The following DCTN2 variants were observed in gnomAD, a reference collection of about 807,000 sequenced individuals.
The protein encoded by DCTN2 is dynactin subunit 2.
In DCTN2, 18 loss-of-function variants were observed where a neutral mutation model predicts 55.4. The observed-to-expected ratio is 0.32, with a 90% CI of 0.22 to 0.48. The LOEUF (loss-of-function observed/expected upper bound fraction) is 0.48. Ranked by LOEUF, DCTN2 falls within the 20% of genes least tolerant of loss-of-function variation. The probability of loss-of-function intolerance (pLI) is 0.99; values close to 1 mark genes in which losing one functional copy is unlikely to be tolerated. For missense variants in DCTN2, 390 were observed against 491.0 expected (o/e 0.79, Z 1.94); for synonymous variants, 168 against 185.2 (o/e 0.91, Z 0.76).
chr12:57,531,579 A>G (rs1879716932), intron 13 of DCTN2, among the ~76,000 whole-genome samples: 1 of 152,146 alleles, frequency 6.6e-6, no homozygotes, highest in South Asian at 2.1e-4. Flanking sequence ...AAAAGAATGA[A>G]GGAGCTAGGT....
At chr12:57,541,241 A>T in intron 2 of DCTN2, 3 of 1,180,164 alleles carry the variant, frequency 2.5e-6, no homozygotes, top group Non-Finnish European at 3.6e-6. Flanking sequence ...CCCCTCAGTG[A>T]CCCAGCCAGG....
At chr12:57,531,341 G>A (rs1594877417) in intron 13 of DCTN2, among the ~76,000 whole-genome samples, 1 of 151,846 alleles carries the variant, frequency 6.6e-6, no homozygotes, top group East Asian at 1.9e-4. Context: ...TGGACAACAT[G>A]GTGAAACCCC....
chr12:57,544,878 T>G (rs945440788), intron 2 of DCTN2, among the ~76,000 whole-genome samples: 8 of 152,118 alleles, frequency 5.3e-5, no homozygotes, highest in Non-Finnish European at 1.2e-4. Context: ...TCATCTGCAT[T>G]ATCTCCAAGA....
At chr12:57,543,872 C>T (rs1292375805) in intron 2 of DCTN2, 1 of 1,252,132 alleles carries the variant, frequency 8.0e-7, no homozygotes. Context: ...TCAGCCACCC[C>T]ACTAGATGCT....
chr12:57,534,053 C>A lies in DCTN2; in HGVS notation c.569G>T (p.Gly190Val). Residue 190 changes from glycine (G) to valine (V), a missense_variant, in exon 7 of 14, where the codon GGA (glycine) becomes GTA (valine). By Grantham distance (109) the Gly-to-Val change is moderately radical. Transcript: ENST00000548249. ...QLEATKNSKG[G>V]SGGKTTGTPP... is the part of the protein sequence containing the mutation. ...GGTCCCAGTGGTTTTTCCCCCTGATCCCCCTTTGCTGTTCTTTGTTGCTTC... is the reference window on the plus strand; with the variant it reads ...GGTCCCAGTGGTTTTTCCCCCTGATACCCCTTTGCTGTTCTTTGTTGCTTC... The A allele has an allele frequency of 1.2e-6, 2 of 1,612,190 alleles. No individual in the cohort carries two copies. Among genetic ancestry groups the A allele is most frequent in the Non-Finnish European group, 1.7e-6 (2 of 1,179,274 alleles).
At chr12:57,541,258 C>T (rs1195250979) in intron 2 of DCTN2, 2 of 1,415,178 alleles carry the variant, frequency 1.4e-6, no homozygotes, top group South Asian at 1.3e-5. Context: ...CAGGGACTCA[C>T]TGGAATTTAA....
chr12:57,535,454 C>G, intron 4 of DCTN2, 30 bp downstream of exon 4: 1 of 1,612,810 alleles, frequency 6.2e-7, no homozygotes, highest in Non-Finnish European at 8.5e-7. Flanking sequence ...CTACACCATT[C>G]CCATCAACAC....
intron 2 of DCTN2, chr12:57,543,684 T>C (rs1880899303): frequency 1.1e-6 from 1 of 872,080 alleles, no homozygotes; most frequent in Admixed American, 6.2e-5. Flanking sequence ...GCCCCTGAAG[T>C]GGCTGAAGGT....
chr12:57,536,278 G>C (rs1040156021), intron 2 of DCTN2, among the ~76,000 whole-genome samples: 1 of 152,250 alleles, frequency 6.6e-6, no homozygotes, highest in Non-Finnish European at 1.5e-5. Flanking sequence ...TAGAAGGAAA[G>C]AGGAGGGAAG....
At chr12:57,539,272 T>C (rs1005859360) in intron 2 of DCTN2, among the ~76,000 whole-genome samples, 2 of 152,230 alleles carry the variant, frequency 1.3e-5, no homozygotes, top group Admixed American at 6.5e-5. Flanking sequence ...TGCCTCCACC[T>C]TGAGTGGCTG....
At chr12:57,538,692 A>G in intron 2 of DCTN2, 2 of 594,886 alleles carry the variant, frequency 3.4e-6, no homozygotes, top group Non-Finnish European at 6.1e-6. Flanking sequence ...AGGGGAGCCT[A>G]GCGAAATTTA....
At chr12:57,533,926 C>T in intron 7 of DCTN2, 27 bp downstream of exon 7, 1 of 1,570,254 alleles carries the variant, frequency 6.4e-7, no homozygotes, top group Non-Finnish European at 8.6e-7. Flanking sequence ...CCCTTGGCTT[C>T]CCAACCAACA....
intron 2 of DCTN2, chr12:57,538,387 G>A: frequency 1.5e-6 from 1 of 684,232 alleles, no homozygotes; most frequent in South Asian, 1.5e-5. Context: ...ACAGTGACTT[G>A]TGAGATAGGA....
chr12:57,546,177 T>A (rs543013533), intron 1 of DCTN2, 81 bp from the exon 2 acceptor site: 1 of 1,357,226 alleles, frequency 7.4e-7, no homozygotes, highest in African/African-American at 1.4e-5. Context: ...TTGAATAAGC[T>A]AACAGAGAAG....
intron 2 of DCTN2, among the ~76,000 whole-genome samples, chr12:57,541,001 A>G (rs1028211839): frequency 1.3e-5 from 2 of 152,214 alleles, no homozygotes; most frequent in African/African-American, 4.8e-5. Flanking sequence ...AAGTCATTCC[A>G]TAAAAAAATC....
chr12:57,532,680 G>A, intron 10 of DCTN2, 37 bp from the exon 11 acceptor site: 1 of 1,613,578 alleles, frequency 6.2e-7, no homozygotes, highest in South Asian at 1.1e-5. Flanking sequence ...AGGGCATCCA[G>A]GGCTTCCAGA....
At chr12:57,542,542 G>T (rs1235546554) in intron 2 of DCTN2, among the ~76,000 whole-genome samples, 1 of 152,066 alleles carries the variant, frequency 6.6e-6, no homozygotes, top group Non-Finnish European at 1.5e-5. Context: ...GACCCGGCTG[G>T]CATGGTAGCT....
At chr12:57,540,152 T>G (rs542184825) in intron 2 of DCTN2, 1 of 981,942 alleles carries the variant, frequency 1.0e-6, no homozygotes, top group Admixed American at 6.1e-5. Flanking sequence ...TAAGCACCCA[T>G]AAGTGCAAAC....
chr12:57,536,734 T>G (rs944391547), intron 2 of DCTN2, among the ~76,000 whole-genome samples: 1 of 152,068 alleles, frequency 6.6e-6, no homozygotes, highest in East Asian at 1.9e-4. Flanking sequence ...TTACTAGATA[T>G]CTACATGCTG....
Sources: gnomAD v4.1 joint callset for allele counts (sites outside exome capture counted in the v4.1 genomes callset) on GRCh38, gnomAD v4.1.1 for gene constraint, MANE v1.5 for transcripts, NCBI Gene and HGNC (gene_info 2026-07-23, HGNC 2026-07-21) for gene names.